Variants in WWOX observed in about 807,000 individuals in gnomAD.
WWOX encodes WW domain containing oxidoreductase, also known as WW domain-containing oxidoreductase.
WWOX carries 69 observed loss-of-function variants against 46.2 expected under a neutral mutation model. That is an observed-to-expected ratio of 1.49 (90% CI 1.23 to 1.82). The LOEUF (loss-of-function observed/expected upper bound fraction) is 1.82, where lower values mean the gene tolerates loss of function less well. WWOX is among the 40% of genes most tolerant of loss of function. WWOX has a pLI of 0.00. For synonymous variants in WWOX, 359 were observed against 202.6 expected (o/e 1.77, Z -6.56); for missense variants, 919 against 542.6 (o/e 1.69, Z -6.89).
At chr16:78,130,219 A>G (rs1389922900) in intron 4 of WWOX, 1 of 152,156 alleles carries the variant, frequency 6.6e-6, no homozygotes, top group Non-Finnish European at 1.5e-5. Context: ...ATGAAAACAG[A>G]CTAATACAGG....
At chr16:78,596,944 G>A (rs1277950203) in intron 8 of WWOX, among the ~76,000 whole-genome samples, 1 of 152,118 alleles carries the variant, frequency 6.6e-6, no homozygotes, top group East Asian at 1.9e-4. Flanking sequence ...TAAACATGCG[G>A]TCTAAACAGT....
intron 8 of WWOX, among the ~76,000 whole-genome samples, chr16:78,668,358 C>G (rs888871055): frequency 2.0e-5 from 3 of 152,208 alleles, no homozygotes; most frequent in Admixed American, 1.3e-4. Context: ...CTTGACTCCT[C>G]TTGGGAATTC....
chr16:78,826,066 A>G lies in WWOX; in HGVS notation c.1057-385542A>G, dbSNP rs2051646888. 9.9e-6 allele frequency: 4 copies of G among 403,792 alleles called. 1 individual carries two copies. The South Asian group carries it at 2.6e-4, about 26-fold the overall frequency. The allele number at this position is 403,792 out of a possible 1,614,324, so 25.0% of individuals were successfully genotyped here. A position where few individuals can be genotyped will look rare whatever the true frequency, so the allele number is the denominator to read the frequency against. Reference sequence around the variant, plus strand: ...ATGTTGCTTTGTAAAGACATTTAATAAAATATTGTACAAAGACAACCGGGA... The same window carrying G: ...ATGTTGCTTTGTAAAGACATTTAATGAAATATTGTACAAAGACAACCGGGA... On this transcript the variant is annotated intron_variant, in intron 8 of 8. Transcript: ENST00000566780.
At chr16:78,634,517 C>G (rs1375796807) in intron 8 of WWOX, among the ~76,000 whole-genome samples, 2 of 151,840 alleles carry the variant, frequency 1.3e-5, no homozygotes, top group African/African-American at 4.8e-5. Context: ...ACCAGCCTGG[C>G]CAACATGGTG....
At chr16:78,621,030 C>T (rs2046167874) in intron 8 of WWOX, among the ~76,000 whole-genome samples, 1 of 152,180 alleles carries the variant, frequency 6.6e-6, no homozygotes, top group African/African-American at 2.4e-5. Context: ...AAGGCTCCTT[C>T]TGTTTAAGGT....
intron 8 of WWOX, among the ~76,000 whole-genome samples, chr16:78,674,694 T>C (rs757177691): frequency 1.3e-5 from 2 of 152,196 alleles, no homozygotes; most frequent in Admixed American, 6.5e-5. Flanking sequence ...AAAATACTTA[T>C]TAAACAAAGA....
intron 8 of WWOX, among the ~76,000 whole-genome samples, chr16:78,681,402 T>G (rs1465955228): frequency 6.6e-6 from 1 of 152,134 alleles, no homozygotes; most frequent in African/African-American, 2.4e-5. Context: ...AGACTCTGTC[T>G]CAAAAAACCA....
chr16:78,503,611 C>G (rs957364250), intron 8 of WWOX: 1 of 152,080 alleles, frequency 6.6e-6, no homozygotes, highest in Non-Finnish European at 1.5e-5. Context: ...ATTTCCACAC[C>G]ATTAGAAATA....
intron 8 of WWOX, among the ~76,000 whole-genome samples, chr16:78,671,579 C>A (rs529556670): frequency 1.3e-5 from 2 of 152,174 alleles, no homozygotes; most frequent in Admixed American, 6.5e-5. Context: ...CATTAATTGC[C>A]GGTACTCTCA....
At chr16:78,459,166 C>T (rs2083894040) in intron 8 of WWOX, among the ~76,000 whole-genome samples, 1 of 152,128 alleles carries the variant, frequency 6.6e-6, no homozygotes, top group South Asian at 2.1e-4. Flanking sequence ...TTTCCCATAA[C>T]CTTAGAGATT....
At chr16:78,137,188 A>G (rs187949537) in intron 4 of WWOX, among the ~76,000 whole-genome samples, 3 of 152,340 alleles carry the variant, frequency 2.0e-5, no homozygotes, top group Admixed American at 1.3e-4. Context: ...CCTGCAACCA[A>G]TAAGAGAGTG....
At chr16:78,624,382 T>C (rs978565114) in intron 8 of WWOX, among the ~76,000 whole-genome samples, 7 of 152,196 alleles carry the variant, frequency 4.6e-5, no homozygotes, top group Non-Finnish European at 8.8e-5. Flanking sequence ...TTGTCACCTC[T>C]GAAACAAGAC....
At chr16:78,750,854 G>C (rs963548085) in intron 8 of WWOX, among the ~76,000 whole-genome samples, 1 of 152,074 alleles carries the variant, frequency 6.6e-6, no homozygotes, top group Non-Finnish European at 1.5e-5. Context: ...GTAGTATTTC[G>C]TGGTGTATAC....
At chr16:78,941,793 G>A (rs2045857128) in intron 8 of WWOX, among the ~76,000 whole-genome samples, 1 of 152,084 alleles carries the variant, frequency 6.6e-6, no homozygotes, top group South Asian at 2.1e-4. Context: ...TCAAATAAAA[G>A]AAGTACTTCA....
intron 8 of WWOX, among the ~76,000 whole-genome samples, chr16:78,504,256 G>C (rs2085138913): frequency 6.6e-6 from 1 of 152,182 alleles, no homozygotes; most frequent in African/African-American, 2.4e-5. Context: ...TCTTTGGCAA[G>C]TCTAGAGGGT....
intron 8 of WWOX, among the ~76,000 whole-genome samples, chr16:78,869,684 G>A (rs1255200018): frequency 6.6e-6 from 1 of 152,184 alleles, no homozygotes; most frequent in Non-Finnish European, 1.5e-5. Flanking sequence ...CCTACTTACA[G>A]TGCATCGCCC....
intron 8 of WWOX, among the ~76,000 whole-genome samples, chr16:79,081,330 A>T (rs1159693628): frequency 6.6e-6 from 1 of 152,024 alleles, no homozygotes; most frequent in Non-Finnish European, 1.5e-5. Context: ...TGCCCAGCTA[A>T]TTTTTATATT....
At position 78,108,254 on chromosome 16, in the gene WWOX, A is replaced by G. The variant is rs114422535; in HGVS notation, c.108-169A>G. On this transcript the variant is annotated intron_variant, in intron 1 of 8. Transcript: ENST00000566780. Reference sequence around the variant, plus strand: ...TCTAGATATTTTGAGTGATTCAGCAAACCTCCTAAAGTTGACCCCGTAGCT... The same window carrying G: ...TCTAGATATTTTGAGTGATTCAGCAGACCTCCTAAAGTTGACCCCGTAGCT... Among the ~76,000 whole-genome samples, 1,059 of 150,968 alleles carry G rather than the reference A, an allele frequency of 7.0e-3. 14 individuals are homozygous for G. The highest frequency in any genetic ancestry group is 0.024 in the African/African-American group (977 of 41,064).
At chr16:79,040,299 A>C (rs1403133158) in intron 8 of WWOX, among the ~76,000 whole-genome samples, 1 of 149,238 alleles carries the variant, frequency 6.7e-6, no homozygotes, top group Non-Finnish European at 1.5e-5. Flanking sequence ...TTTTGAGACA[A>C]GGTCTCATTC....
Sources: gnomAD v4.1 joint callset for allele counts (sites outside exome capture counted in the v4.1 genomes callset) on GRCh38, gnomAD v4.1.1 for gene constraint, MANE v1.5 for transcripts, NCBI Gene and HGNC (gene_info 2026-07-23, HGNC 2026-07-21) for gene names.